The following KCNQ3 variants were observed in gnomAD, a reference collection of about 807,000 sequenced individuals.
KCNQ3 encodes the protein potassium voltage-gated channel subfamily Q member 3, also known as potassium voltage-gated channel subfamily KQT member 3.
Under a neutral mutation model 92.5 loss-of-function variants are expected in KCNQ3, and 30 were observed. The observed-to-expected ratio is 0.32, with a 90% CI of 0.24 to 0.44. The LOEUF (loss-of-function observed/expected upper bound fraction) is 0.44, where lower values mean the gene tolerates loss of function less well. Among genes scored for constraint, KCNQ3 ranks in the 20% least tolerant of loss-of-function variants. The probability of loss-of-function intolerance (pLI) is 1.00; values close to 1 mark genes in which losing one functional copy is unlikely to be tolerated. For synonymous variants in KCNQ3, 450 were observed against 468.8 expected, an observed-to-expected ratio of 0.96 and a Z score of 0.52; for missense variants, 913 against 1,140.3, an observed-to-expected ratio of 0.80 and a Z score of 2.87.
At chr8:132,314,791 A>C (rs1265745459) in intron 1 of KCNQ3, among the ~76,000 whole-genome samples, 2 of 152,254 alleles carry the variant, frequency 1.3e-5, no homozygotes, top group African/African-American at 4.8e-5. Context: ...AAACACTAAG[A>C]GTCCTAATAG....
rs1053739705 is a variant in KCNQ3 at position 132,480,677 on chromosome 8, C to A, written c.-145G>T. 5.0e-5 allele frequency: 45 copies of A among 902,474 alleles called. 1 individual carries two copies. Among genetic ancestry groups the A allele is most frequent in the Admixed American group, 1.6e-4 (3 of 18,450 alleles). The allele number at this position is 902,474 out of a possible 1,614,324, so 55.9% of individuals were successfully genotyped here. ...ATCCGCGCGCCCCTCCCCACCCCCC[C>A]CCAAAAGCAGGCAAAGGCGGGCCCC... On this transcript the variant is annotated 5_prime_UTR_variant, in exon 1 of 15. Coordinates refer to ENST00000388996, the MANE Select transcript of KCNQ3 (RefSeq NM_004519.4).
chr8:132,409,756 T>G (rs1035353515), intron 1 of KCNQ3, among the ~76,000 whole-genome samples: 3 of 152,192 alleles, frequency 2.0e-5, no homozygotes, highest in African/African-American at 4.8e-5. Flanking sequence ...CAGTGCATAT[T>G]GAAATGGAGG....
At chr8:132,472,664 A>C (rs1442778844) in intron 1 of KCNQ3, among the ~76,000 whole-genome samples, 2 of 152,180 alleles carry the variant, frequency 1.3e-5, no homozygotes, top group African/African-American at 4.8e-5. Context: ...ACAAACATAC[A>C]GTCAGAGGGA....
At chr8:132,468,121 C>T (rs892652116) in intron 1 of KCNQ3, among the ~76,000 whole-genome samples, 1 of 152,226 alleles carries the variant, frequency 6.6e-6, no homozygotes, top group African/African-American at 2.4e-5. Context: ...TGTGATTAGA[C>T]TTGCTGATTA....
At chr8:132,144,477 A>T (rs1825393731) in intron 9 of KCNQ3, among the ~76,000 whole-genome samples, 1 of 152,242 alleles carries the variant, frequency 6.6e-6, no homozygotes, top group Non-Finnish European at 1.5e-5. Flanking sequence ...AGATCTTGCA[A>T]GAAAAGCCTT....
At chr8:132,363,790 T>G (rs1045252044) in intron 1 of KCNQ3, among the ~76,000 whole-genome samples, 4 of 151,512 alleles carry the variant, frequency 2.6e-5, no homozygotes, top group African/African-American at 4.9e-5. Context: ...AGCTCCTGCT[T>G]CTTCTGCTTG....
At chr8:132,455,028 G>A (rs1029413383) in intron 1 of KCNQ3, among the ~76,000 whole-genome samples, 14 of 152,170 alleles carry the variant, frequency 9.2e-5, no homozygotes, top group Non-Finnish European at 1.8e-4. Context: ...GGGGGAAGTA[G>A]TGAGTTACTG....
rs1824463492 is a variant in KCNQ3, at chr8:132,121,347, G to A, written c.*7915C>T. 1 of 152,146 alleles carries A rather than the reference G, an allele frequency of 6.6e-6. No individual in the cohort carries two copies. Among genetic ancestry groups the A allele is most frequent in the African/African-American group, 2.4e-5 (1 of 41,430 alleles). 9.4% of individuals were successfully genotyped at this position (152,146 alleles called of 1,614,324 possible). A position where few individuals can be genotyped will look rare whatever the true frequency, so the allele number is the denominator to read the frequency against. On this transcript the variant is annotated 3_prime_UTR_variant, in exon 15 of 15. Coordinates refer to ENST00000388996, the MANE Select transcript of KCNQ3 (RefSeq NM_004519.4). ...CATTTTTCTCTTTAAAACAAGGAAG[G>A]ACTGACAAATCTGATGAAGTCCACC...
At chr8:132,329,306 G>A (rs575390224) in intron 1 of KCNQ3, among the ~76,000 whole-genome samples, 1 of 152,256 alleles carries the variant, frequency 6.6e-6, no homozygotes, top group South Asian at 2.1e-4. Flanking sequence ...TCCTCCACCA[G>A]CCCCACCATG....
At position 132,234,273 on chromosome 8, in the gene KCNQ3, G is replaced by A. The variant is rs576883856; in HGVS notation, c.387-48092C>T. On this transcript the variant is annotated intron_variant, in intron 1 of 14. Coordinates refer to ENST00000388996, the MANE Select transcript of KCNQ3 (RefSeq NM_004519.4). ...TCTCACTTAGTCTTTGCTCTGTAAA[G>A]TGGGTGTTCAGATCCTCTTTTGGTA... Among the ~76,000 whole-genome samples the A allele has an allele frequency of 5.3e-5, 8 of 150,718 alleles. No individual in the cohort carries two copies. The East Asian group carries it at 1.4e-3, about 26-fold the overall frequency.
intron 1 of KCNQ3, among the ~76,000 whole-genome samples, chr8:132,458,452 T>C (rs1033299371): frequency 4.6e-5 from 7 of 152,206 alleles, no homozygotes; most frequent in African/African-American, 1.7e-4. Flanking sequence ...TTTTTTAGAA[T>C]AGTTTTCTTT....
At chr8:132,191,976 C>A (rs1356820524) in intron 1 of KCNQ3, among the ~76,000 whole-genome samples, 1 of 152,146 alleles carries the variant, frequency 6.6e-6, no homozygotes, top group Admixed American at 6.5e-5. Flanking sequence ...TACTTGCGGA[C>A]CTGCTGCACT....
At chr8:132,297,137 C>T (rs965379845) in intron 1 of KCNQ3, among the ~76,000 whole-genome samples, 29 of 152,114 alleles carry the variant, frequency 1.9e-4, no homozygotes, top group African/African-American at 6.8e-4. Flanking sequence ...TCTCTGATGG[C>T]CAGTGATGAT....
At chr8:132,360,454 C>G (rs1360509206) in intron 1 of KCNQ3, among the ~76,000 whole-genome samples, 1 of 152,220 alleles carries the variant, frequency 6.6e-6, no homozygotes, top group Admixed American at 6.5e-5. Flanking sequence ...CATTTTCTCC[C>G]CTGCTATTGC....
chr8:132,250,126 G>C (rs1815352985), intron 1 of KCNQ3, among the ~76,000 whole-genome samples: 1 of 152,204 alleles, frequency 6.6e-6, no homozygotes, highest in Non-Finnish European at 1.5e-5. Context: ...CAGGCTGAAG[G>C]TCTCCTCAAG....
intron 1 of KCNQ3, among the ~76,000 whole-genome samples, chr8:132,335,018 C>T (rs569594145): frequency 6.6e-6 from 1 of 150,510 alleles, no homozygotes; most frequent in South Asian, 2.1e-4. Flanking sequence ...TCCTTCCTTC[C>T]TTCCTTCCTT....
intron 1 of KCNQ3, among the ~76,000 whole-genome samples, chr8:132,268,668 T>C (rs1006370930): frequency 6.6e-6 from 1 of 152,226 alleles, no homozygotes; most frequent in African/African-American, 2.4e-5. Context: ...TTTTAACTAT[T>C]ATAAATAAAG....
chr8:132,150,257 T>C (rs1221969099), intron 9 of KCNQ3, among the ~76,000 whole-genome samples: 1 of 152,184 alleles, frequency 6.6e-6, no homozygotes, highest in Non-Finnish European at 1.5e-5. Context: ...CAGGCCTCCA[T>C]CTTGATTTAC....
chr8:132,472,776 C>T (rs112706063), intron 1 of KCNQ3, among the ~76,000 whole-genome samples: 2 of 152,170 alleles, frequency 1.3e-5, no homozygotes, highest in African/African-American at 2.4e-5. Context: ...ATGTTCCCAA[C>T]ACATAGAAAT....
Sources: allele counts gnomAD v4.1 joint callset (sites outside exome capture counted in the v4.1 genomes callset), GRCh38; gene constraint gnomAD v4.1.1; transcripts MANE v1.5; gene names NCBI Gene and HGNC (gene_info 2026-07-23, HGNC 2026-07-21).